Variants in CORIN observed in about 807,000 individuals in gnomAD.
The protein encoded by CORIN is atrial natriuretic peptide-converting enzyme.
Under a neutral mutation model 125.3 loss-of-function variants are expected in CORIN, and 117 were observed. The observed-to-expected ratio is 0.93, with a 90% confidence interval of 0.80 to 1.09. CORIN has a LOEUF of 1.09. Among genes scored for constraint, CORIN ranks in the 50% least tolerant of loss-of-function variants. The pLI is 0.00. For missense variants in CORIN, 1,253 were observed against 1,306.7 expected, an observed-to-expected ratio of 0.96 and a Z score of 0.63; for synonymous variants, 450 against 466.4, an observed-to-expected ratio of 0.96 and a Z score of 0.45.
intron 1 of CORIN, among the ~76,000 whole-genome samples, chr4:47,807,301 C>T (rs545471294): frequency 1.3e-5 from 2 of 152,230 alleles, no homozygotes. Context: ...AACAATATCC[C>T]ATTTTGCTTT....
intron 1 of CORIN, among the ~76,000 whole-genome samples, chr4:47,829,603 G>C (rs1159179394): frequency 6.6e-6 from 1 of 152,178 alleles, no homozygotes. Context: ...ATCTAAAGTG[G>C]GGGCAGTCTT....
At chr4:47,598,287 A>C (rs894162733) in intron 21 of CORIN, among the ~76,000 whole-genome samples, 3 of 152,090 alleles carry the variant, frequency 2.0e-5, no homozygotes, top group Non-Finnish European at 4.4e-5. Context: ...TAAGTAGAAA[A>C]ATTTGCTCCT....
At chr4:47,711,496 T>C (rs4637369) in intron 5 of CORIN, among the ~76,000 whole-genome samples, 23,559 of 152,182 alleles carry the variant, frequency 0.15, 2,007 homozygotes, top group East Asian at 0.24. Context: ...GGAACACAGA[T>C]ACAGGGCTCA....
rs572527938 is a variant in CORIN at position 47,805,604 on chromosome 4, A to G, written c.208+1299T>C. ...CTACCGCCTTTTGCAAATGTAAAAT[A>G]ATCAGAGTTCTCCTTTCTTGGAAAG... On this transcript the variant is annotated intron_variant, in intron 2 of 21. Coordinates refer to ENST00000273857, the MANE Select transcript of CORIN (RefSeq NM_006587.4). Among the ~76,000 whole-genome samples, 3 of 152,320 alleles carry G rather than the reference A, an allele frequency of 2.0e-5. No homozygotes were observed. In the South Asian group the frequency reaches 6.2e-4, roughly 32 times the overall value.
At chr4:47,808,092 A>G (rs1731872584) in intron 1 of CORIN, among the ~76,000 whole-genome samples, 1 of 152,154 alleles carries the variant, frequency 6.6e-6, no homozygotes, top group African/African-American at 2.4e-5. Context: ...CAAAATTAAG[A>G]CGAACCTTCT....
chr4:47,737,280 G>A (rs552981804), intron 5 of CORIN, among the ~76,000 whole-genome samples: 4 of 152,282 alleles, frequency 2.6e-5, no homozygotes, highest in East Asian at 1.9e-4. Context: ...TGGCACATAC[G>A]TGTGATCATA....
At chr4:47,822,068 GA>G (rs1732540023) in intron 1 of CORIN, among the ~76,000 whole-genome samples, 1 of 152,140 alleles carries the variant, frequency 6.6e-6, no homozygotes, top group East Asian at 1.9e-4. Flanking sequence ...CTTTCAAAAA[GA>G]AAAAATGTCC....
chr4:47,815,217 C>A (rs558908124), intron 1 of CORIN, among the ~76,000 whole-genome samples: 1 of 152,038 alleles, frequency 6.6e-6, no homozygotes. Context: ...CTTTCTCCAA[C>A]CACAAATACC....
Position 47,600,252 on chromosome 4 carries a change from A to G in CORIN, c.2908T>C (p.Cys970Arg), listed in dbSNP as rs371345864. 6 of 1,613,938 alleles carry G rather than the reference A, an allele frequency of 3.7e-6. No individual in the cohort carries two copies. Among genetic ancestry groups the G allele is most frequent in the Non-Finnish European group, 5.1e-6 (6 of 1,179,866 alleles). The change falls in exon 21 of 22, where the codon TGT becomes CGT. Residue 970 changes from cysteine (C) to arginine (R), a missense_variant. By Grantham distance (180) the Cys-to-Arg change is radical. Transcript: ENST00000273857. ...DMKTITTRMI[C>R]AGYESGTVDS... ...ACTGTGCCAGACTCATAGCCAGCACATATCATCCGAGTGGTGATGGTCTTC... is the reference window on the plus strand; with the variant it reads ...ACTGTGCCAGACTCATAGCCAGCACGTATCATCCGAGTGGTGATGGTCTTC...
intron 5 of CORIN, among the ~76,000 whole-genome samples, chr4:47,727,359 A>T (rs1285125600): frequency 6.6e-6 from 1 of 152,090 alleles, no homozygotes. Context: ...GTCTACACAA[A>T]CCAGTGTTCA....
At chr4:47,779,275 T>G (rs1730429977) in intron 3 of CORIN, among the ~76,000 whole-genome samples, 1 of 152,138 alleles carries the variant, frequency 6.6e-6, no homozygotes, top group African/African-American at 2.4e-5. Context: ...GAGACCAGCC[T>G]GGCCAACATC....
At position 47,786,828 on chromosome 4, in the gene CORIN, A is replaced by T. The variant is rs772700917; in HGVS notation, c.306T>A (p.Ile102=). ...TAGACACCACAGTGCTCTGGTTATA[A>T]ATTGTATTTGTAAGAATAACATCGG... ...QGSDVILTNT[I]YNQSTVVSTA... Residue 102 remains isoleucine (I), a synonymous_variant, in exon 3 of 22, where the codon ATT becomes ATA. Coordinates refer to ENST00000273857, the MANE Select transcript of CORIN (RefSeq NM_006587.4). 1 of 1,614,004 alleles carries T rather than the reference A, an allele frequency of 6.2e-7. No homozygotes were observed. Among genetic ancestry groups the T allele is most frequent in the Non-Finnish European group, 8.5e-7 (1 of 1,179,886 alleles).
intron 15 of CORIN, among the ~76,000 whole-genome samples, chr4:47,642,515 A>G (rs186729976): frequency 9.2e-5 from 14 of 152,358 alleles, no homozygotes; most frequent in Admixed American, 9.2e-4. Context: ...TCTGTACTTA[A>G]CCAGCCTCAG....
intron 1 of CORIN, chr4:47,837,519 C>T (rs1733501113): frequency 5.4e-6 from 2 of 369,066 alleles, no homozygotes; most frequent in Non-Finnish European, 1.0e-5. Flanking sequence ...CAGCCAAGTC[C>T]ACTAGATGCT....
chr4:47,692,102 A>G (rs1199506805), intron 6 of CORIN, among the ~76,000 whole-genome samples: 1 of 151,826 alleles, frequency 6.6e-6, no homozygotes, highest in Non-Finnish European at 1.5e-5. Flanking sequence ...TTTTTTGATT[A>G]AGATCAGTAT....
chr4:47,600,769 TTAATC>T (rs966168780), intron 20 of CORIN, among the ~76,000 whole-genome samples: 2 of 152,168 alleles, frequency 1.3e-5, no homozygotes, highest in African/African-American at 2.4e-5. Context: ...GAAAACCTGT[TTAATC>T]TAACAGGGAA....
intron 3 of CORIN, among the ~76,000 whole-genome samples, chr4:47,776,506 G>T (rs1730311708): frequency 6.6e-6 from 1 of 152,128 alleles, no homozygotes; most frequent in Non-Finnish European, 1.5e-5. Flanking sequence ...ATATTATATG[G>T]TAACATAGTT....
rs1242173031 is a variant in CORIN at position 47,718,887 on chromosome 4, G to A, written c.799+25515C>T. On this transcript the variant is annotated intron_variant, in intron 5 of 21. Coordinates refer to ENST00000273857, the MANE Select transcript of CORIN (RefSeq NM_006587.4). ...CACAACTCCTATGGGTCCCAAGGGA[G>A]GACAGTTGTCATCAGAACTGCTTTT... 1.3e-5 allele frequency among the ~76,000 whole-genome samples: 2 copies of A among 152,176 alleles called. 1 individual carries two copies. Among genetic ancestry groups the A allele is most frequent in the Non-Finnish European group, 2.9e-5 (2 of 68,018 alleles).
At chr4:47,782,192 C>T (rs1730583261) in intron 3 of CORIN, among the ~76,000 whole-genome samples, 1 of 151,748 alleles carries the variant, frequency 6.6e-6, no homozygotes, top group Non-Finnish European at 1.5e-5. Context: ...CAAGACCAGC[C>T]TGGCCAACGT....
Sources: allele counts gnomAD v4.1 joint callset (sites outside exome capture counted in the v4.1 genomes callset), GRCh38; gene constraint gnomAD v4.1.1; transcripts MANE v1.5; gene names NCBI Gene and HGNC (gene_info 2026-07-23, HGNC 2026-07-21).